NOS1AP: variants seen among roughly 807,000 people sequenced by gnomAD.
NOS1AP encodes nitric oxide synthase 1 adaptor protein, also known as carboxyl-terminal PDZ ligand of neuronal nitric oxide synthase protein.
NOS1AP carries 21 observed loss-of-function variants against 56.2 expected under a neutral mutation model. That is an observed-to-expected ratio of 0.37 (90% CI 0.26 to 0.54). NOS1AP has a LOEUF of 0.54. NOS1AP is among the 20% of genes least tolerant of loss of function. The pLI is 0.84. For missense variants in NOS1AP, 522 were observed against 657.8 expected (o/e 0.79, Z 2.26); for synonymous variants, 270 against 274.6 (o/e 0.98, Z 0.17).
At chr1:162,323,801 G>A (rs532081972) in intron 4 of NOS1AP, among the ~76,000 whole-genome samples, 4 of 152,274 alleles carry the variant, frequency 2.6e-5, no homozygotes, top group African/African-American at 2.4e-5. Context: ...GAAAGCAGAC[G>A]AGCTGCAACC....
At chr1:162,231,708 A>C (rs1410345450) in intron 2 of NOS1AP, among the ~76,000 whole-genome samples, 1 of 152,222 alleles carries the variant, frequency 6.6e-6, no homozygotes, top group Non-Finnish European at 1.5e-5. Context: ...CTCCAGTATC[A>C]GAAAGCAGGG....
chr1:162,174,054 A>G (rs1283592612), intron 2 of NOS1AP, among the ~76,000 whole-genome samples: 2 of 152,224 alleles, frequency 1.3e-5, no homozygotes, highest in Non-Finnish European at 2.9e-5. Context: ...CCATCCCATT[A>G]CTGGGTATAT....
intron 1 of NOS1AP, among the ~76,000 whole-genome samples, chr1:162,125,881 A>T (rs981031819): frequency 6.6e-6 from 1 of 152,012 alleles, no homozygotes; most frequent in East Asian, 1.9e-4. Flanking sequence ...CATTTTCATG[A>T]TATTGATTTT....
At chr1:162,127,746 C>G (rs1406063995) in intron 1 of NOS1AP, among the ~76,000 whole-genome samples, 5 of 152,124 alleles carry the variant, frequency 3.3e-5, no homozygotes, top group African/African-American at 1.2e-4. Context: ...AACTCACTAT[C>G]GCAAGGACAG....
At chr1:162,280,589 A>G (rs1014074044) in intron 2 of NOS1AP, among the ~76,000 whole-genome samples, 4 of 152,224 alleles carry the variant, frequency 2.6e-5, no homozygotes, top group African/African-American at 9.6e-5. Flanking sequence ...AGTATTCCAA[A>G]TGGGATTTAG....
chr1:162,155,261 T>C (rs1460233499), intron 2 of NOS1AP, among the ~76,000 whole-genome samples: 2 of 146,152 alleles, frequency 1.4e-5, no homozygotes, highest in African/African-American at 5.0e-5. Context: ...CATACATATA[T>C]ATATACACAT....
intron 1 of NOS1AP, among the ~76,000 whole-genome samples, chr1:162,126,708 T>G (rs775000907): frequency 1.3e-5 from 2 of 152,226 alleles, no homozygotes; most frequent in African/African-American, 4.8e-5. Context: ...TCCAGCCTTT[T>G]GCTTTTACAA....
At chr1:162,219,259 C>T (rs61192777) in intron 2 of NOS1AP, among the ~76,000 whole-genome samples, 6,739 of 152,254 alleles carry the variant, frequency 0.044, 310 homozygotes, top group African/African-American at 0.11. Flanking sequence ...GTGCCTGGCT[C>T]ATGGCAAGTG....
At chr1:162,075,523 T>C (rs1250475200) in intron 1 of NOS1AP, among the ~76,000 whole-genome samples, 1 of 152,240 alleles carries the variant, frequency 6.6e-6, no homozygotes, top group Non-Finnish European at 1.5e-5. Flanking sequence ...GGGGTATCCC[T>C]GACTCGTCTG....
intron 2 of NOS1AP, among the ~76,000 whole-genome samples, chr1:162,256,457 G>A (rs1036430777): frequency 3.3e-5 from 5 of 152,082 alleles, no homozygotes; most frequent in African/African-American, 1.2e-4. Context: ...GCCAATCCCC[G>A]CACCGATTGT....
At chr1:162,274,093 G>A (rs147329627) in intron 2 of NOS1AP, among the ~76,000 whole-genome samples, 35 of 152,262 alleles carry the variant, frequency 2.3e-4, no homozygotes, top group Middle Eastern at 3.4e-3. Context: ...CTGAGGTAAT[G>A]CTGGGTCATA....
intron 2 of NOS1AP, among the ~76,000 whole-genome samples, chr1:162,224,872 G>T (rs1163559419): frequency 1.3e-5 from 2 of 152,208 alleles, no homozygotes. Context: ...CCTTATCAGA[G>T]ATGGGCTGGG....
At chr1:162,362,470 AG>A (rs1212574298) in intron 8 of NOS1AP, among the ~76,000 whole-genome samples, 12 of 114,438 alleles carry the variant, frequency 1.0e-4, no homozygotes, top group South Asian at 8.3e-4. Flanking sequence ...AGAAGAAAAA[AG>A]AAAGAAAGAA....
intron 2 of NOS1AP, among the ~76,000 whole-genome samples, chr1:162,242,741 G>A (rs1201737105): frequency 1.3e-5 from 2 of 152,250 alleles, no homozygotes; most frequent in Admixed American, 6.5e-5. Context: ...CAGCCTCCAA[G>A]AATTGAAGAA....
intron 7 of NOS1AP, 82 bp downstream of exon 7, chr1:162,355,435 A>C: frequency 1.3e-6 from 2 of 1,564,184 alleles, no homozygotes; most frequent in Non-Finnish European, 1.8e-6. Flanking sequence ...CTGCCAGCTC[A>C]GCTTCCGAGT....
intron 4 of NOS1AP, among the ~76,000 whole-genome samples, chr1:162,310,204 T>C (rs995638123): frequency 6.6e-6 from 1 of 152,008 alleles, no homozygotes; most frequent in South Asian, 2.1e-4. Context: ...GCACAAAGGG[T>C]CATAAAAAAA....
intron 2 of NOS1AP, among the ~76,000 whole-genome samples, chr1:162,280,023 A>T (rs1487787060): frequency 6.6e-6 from 1 of 152,218 alleles, no homozygotes. Flanking sequence ...TTTTTAATGA[A>T]CTATTTCAGG....
chr1:162,271,215 T>G (rs1357970675), intron 2 of NOS1AP, among the ~76,000 whole-genome samples: 2 of 145,928 alleles, frequency 1.4e-5, no homozygotes, highest in Non-Finnish European at 3.0e-5. Context: ...TACCCAGGAG[T>G]CCAGTGATGG....
In NOS1AP at chr1:162,343,981, G is replaced by A; in HGVS notation, c.595+5G>A. 1 of 1,614,034 alleles carries A rather than the reference G, an allele frequency of 6.2e-7. No homozygotes were observed. Among genetic ancestry groups the A allele is most frequent in the Non-Finnish European group, 8.5e-7 (1 of 1,179,974 alleles). ...GCAACAGCTCAGGAGACCCAGGTAG[G>A]CACTGCGGCTTCTGTGGATGTGGGT... On this transcript the variant is annotated splice_donor_5th_base_variant and intron_variant, in intron 6 of 9. Coordinates refer to ENST00000361897, the MANE Select transcript of NOS1AP (RefSeq NM_014697.3).
Sources: allele counts gnomAD v4.1 joint callset (sites outside exome capture counted in the v4.1 genomes callset), GRCh38; gene constraint gnomAD v4.1.1; transcripts MANE v1.5; gene names NCBI Gene and HGNC (gene_info 2026-07-23, HGNC 2026-07-21).